The following SLC52A3 variants were observed in gnomAD, a reference collection of about 807,000 sequenced individuals.
SLC52A3 encodes the protein solute carrier family 52 member 3.
Under a neutral mutation model 29.5 loss-of-function variants are expected in SLC52A3, and 20 were observed. The observed-to-expected ratio is 0.68, with a 90% CI of 0.48 to 0.99. SLC52A3 has a LOEUF of 0.99. Among genes scored for constraint, SLC52A3 ranks in the 50% least tolerant of loss-of-function variants. The pLI, the probability that SLC52A3 is intolerant of heterozygous loss-of-function variation, is 0.00. For missense variants in SLC52A3, 548 were observed against 612.9 expected (o/e 0.89, Z 1.12); for synonymous variants, 301 against 271.0 (o/e 1.11, Z -1.09).
upstream of SLC52A3, among the ~76,000 whole-genome samples, chr20:768,902 C>A (rs1266943210): frequency 1.3e-5 from 2 of 152,212 alleles, no homozygotes; most frequent in African/African-American, 4.8e-5. Flanking sequence ...CACCAGCCCC[C>A]TCTGCTGTCC....
chr20:765,693 G>A lies in SLC52A3; in HGVS notation c.82C>T (p.Pro28Ser), dbSNP rs267606688. 6.2e-7 allele frequency: 1 copy of A among 1,613,664 alleles called. No homozygotes were observed. Among genetic ancestry groups the A allele is most frequent in the Non-Finnish European group, 8.5e-7 (1 of 1,179,904 alleles). ...TCGGGCAGCTCCATCACCAGCAGGGGCAGCTCTACCCAGAGCCCATTGATG... is the reference window on the plus strand; with the variant it reads ...TCGGGCAGCTCCATCACCAGCAGGGACAGCTCTACCCAGAGCCCATTGATG... The part of the protein sequence containing the change: ...VTINGLWVEL[P>S]LLVMELPEGW... The change falls in exon 2 of 5, where the codon CCC becomes TCC. Residue 28 changes from proline to serine, a missense_variant. Coordinates refer to ENST00000645534, the MANE Select transcript of SLC52A3 (RefSeq NM_033409.4). This position sits in a 1 kb window ranked among gnomAD's most constrained non-coding sequence, Gnocchi z 6.6.
upstream of SLC52A3, among the ~76,000 whole-genome samples, chr20:777,422 G>C (rs545140027): frequency 5.9e-5 from 9 of 152,230 alleles, no homozygotes; most frequent in Admixed American, 2.0e-4. Flanking sequence ...GAGGACCCAG[G>C]CTCCTCTTCT....
chr20:778,720 TTTC>T (rs949899020), upstream of SLC52A3, among the ~76,000 whole-genome samples: 7 of 151,052 alleles, frequency 4.6e-5, no homozygotes, highest in African/African-American at 9.7e-5. Flanking sequence ...GGATGGCCAC[TTTC>T]TTCTTCTTTT....
rs575834308 is a variant in SLC52A3 at position 761,215 on chromosome 20, G to A, written c.1221C>T (p.Ser407=). 7.7e-6 allele frequency: 12 copies of A among 1,554,874 alleles called. No individual in the cohort carries two copies. In the East Asian group the frequency reaches 1.7e-4, roughly 22 times the overall value. ...VLIVASWVLF[S]GCLSYVKVML... ...TCACCTTGACGTAACTGAGGCAGCC[G>A]CTGAAAAGCACCCACGAGGCCACCT... The change falls in exon 5 of 5, where the codon AGC becomes AGT. Residue 407 remains serine (S), a synonymous_variant. Coordinates refer to ENST00000645534, the MANE Select transcript of SLC52A3 (RefSeq NM_033409.4).
chr20:761,609 C>T (rs944518639), intron 4 of SLC52A3, 92 bp downstream of exon 4: 3 of 1,570,276 alleles, frequency 1.9e-6, no homozygotes, highest in African/African-American at 2.7e-5. Context: ...ACAGACCCCG[C>T]TCGCTGGAAA....
intron 4 of SLC52A3, 98 bp downstream of exon 4, chr20:761,603 A>G (rs1288605977): frequency 6.4e-7 from 1 of 1,557,174 alleles, no homozygotes; most frequent in Non-Finnish European, 8.7e-7. Context: ...GGTCCCACAG[A>G]CCCCGCTCGC....
At position 761,059 on chromosome 20, in the gene SLC52A3, GGACGA is replaced by G; in HGVS notation, c.1372_1376del (p.Ser458ArgfsTer47). 1 of 1,609,700 alleles carries G rather than the reference GGACGA, an allele frequency of 6.2e-7. No homozygotes were observed. Among genetic ancestry groups the G allele is most frequent in the Non-Finnish European group, 8.5e-7 (1 of 1,178,636 alleles). Reference sequence around the variant, plus strand: ...GACAGTGCAGATTGCAGAAGTCCGCGGACGAGAAGAGCCGCAGCACGTTGACCAGA... The same window carrying G: ...GACAGTGCAGATTGCAGAAGTCCGCGGAAGAGCCGCAGCACGTTGACCAGA... On this transcript the variant is annotated frameshift_variant, in exon 5 of 5. Coordinates refer to ENST00000645534, the MANE Select transcript of SLC52A3 (RefSeq NM_033409.4). LOFTEE classifies it high-confidence loss of function.
rs1986561762 is a variant in SLC52A3 at position 763,594 on chromosome 20, C to T, written c.977G>A (p.Cys326Tyr). 1 of 1,614,058 alleles carries T rather than the reference C, an allele frequency of 6.2e-7. No individual in the cohort carries two copies. Among genetic ancestry groups the T allele is most frequent in the Non-Finnish European group, 8.5e-7 (1 of 1,180,034 alleles). Residue 326 changes from cysteine to tyrosine, a missense_variant, in exon 3 of 5, where the codon TGC (cysteine) becomes TAC (tyrosine). By Grantham distance (194) the Cys-to-Tyr change is radical. This residue lies in a region of SLC52A3 where 375 missense variants were observed against 471.1 expected (regional missense o/e 0.80). Transcript: ENST00000645534. ...GTAGGCAACTGGCCCATAGGACAGG[C>T]AGGAGTAGGTCTGCACAGAGGGCAG... ...GMLPSVQTYS[C>Y]LSYGPVAYHL...
chr20:776,956 C>T (rs1228817900), upstream of SLC52A3, among the ~76,000 whole-genome samples: 1 of 151,506 alleles, frequency 6.6e-6, no homozygotes, highest in Non-Finnish European at 1.5e-5. Context: ...GGAAAGATGG[C>T]GGGGCGTGGT....
In SLC52A3 at chr20:761,236, C is replaced by T. The variant is rs772196630; in HGVS notation, c.1200G>A (p.Val400=). 84 of 1,548,072 alleles carry T rather than the reference C, an allele frequency of 5.4e-5. No homozygotes were observed. The highest frequency in any genetic ancestry group is 5.1e-4 in the South Asian group (43 of 84,130). The change falls in exon 5 of 5, where the codon GTG becomes GTA. Residue 400 remains valine, a splice_region_variant and synonymous_variant. Transcript: ENST00000645534. ...AGCCGCTGAAAAGCACCCACGAGGC[C>T]ACCTGCGGGGCCGGGAGGGAAGAGG... is the stretch of plus-strand genomic sequence containing the variant. ...QGHWGGEVLI[V]ASWVLFSGCL...
At chr20:777,237 A>G (rs1019749084), upstream of SLC52A3, among the ~76,000 whole-genome samples, 2 of 144,322 alleles carry the variant, frequency 1.4e-5, no homozygotes, top group Admixed American at 7.1e-5. Context: ...CTCTGTCTCA[A>G]TAAAACAAAA....
chr20:775,466 A>T (rs1490370732), intron 1 of SLC52A3, among the ~76,000 whole-genome samples: 1 of 151,878 alleles, frequency 6.6e-6, no homozygotes, highest in African/African-American at 2.4e-5. Context: ...TTTTGTATAG[A>T]TGGAGTTTCG....
intron 1 of SLC52A3, 62 bp downstream of exon 1, chr20:768,235 T>C (rs1315308099): frequency 6.6e-6 from 1 of 152,350 alleles, no homozygotes; most frequent in South Asian, 2.1e-4. Flanking sequence ...TGAGAATTAA[T>C]ACATGACTAT....
At chr20:761,291 G>C (rs1986466409) in intron 4 of SLC52A3, 53 bp from the exon 5 acceptor site, 4 of 1,489,822 alleles carry the variant, frequency 2.7e-6, no homozygotes, top group Non-Finnish European at 3.6e-6. Flanking sequence ...CGGGGCGAGC[G>C]CCGGAGCAAA....
intron 3 of SLC52A3, 100 bp from the exon 4 acceptor site, chr20:761,924 G>A: frequency 6.4e-7 from 1 of 1,560,594 alleles, no homozygotes; most frequent in Non-Finnish European, 8.8e-7. Context: ...TCCATAGTTA[G>A]TTTAGACCCA....
At position 765,128 on chromosome 20, in the gene SLC52A3, G is replaced by A; in HGVS notation, c.567+80C>T. On this transcript the variant is annotated intron_variant, in intron 2 of 4. Transcript: ENST00000645534. The surrounding 1 kb of genome is among the most constrained non-coding windows in gnomAD (Gnocchi z 6.6). ...ATAGGCCGACCAAAGAACCTAGAAGGATGGAGGTGAGCAGTTTTTCCCTCC... is the reference window on the plus strand; with the variant it reads ...ATAGGCCGACCAAAGAACCTAGAAGAATGGAGGTGAGCAGTTTTTCCCTCC... 6.7e-7 allele frequency: 1 copy of A among 1,495,990 alleles called. No individual in the cohort carries two copies. The allele number at this position is 1,495,990 out of a possible 1,614,324, so 92.7% of individuals were successfully genotyped here.
Position 763,890 on chromosome 20 carries a change from T to A in SLC52A3, c.681A>T (p.Leu227=), listed in dbSNP as rs1370704316. ...CGAGGCAGCAGGCCATCATGATGGA[T>A]AGGAGGAGGAAGAAGACCAGGGGTG... The part of the protein sequence containing the change: ...HFSPLVFFLL[L]SIMMACCLVA... Residue 227 remains leucine, a synonymous_variant, in exon 3 of 5, where the codon CTA becomes CTT. Transcript: ENST00000645534. The A allele has an allele frequency of 6.2e-7, 1 of 1,613,800 alleles. No individual in the cohort carries two copies. Among genetic ancestry groups the A allele is most frequent in the Admixed American group, 1.7e-5 (1 of 59,992 alleles).
At chr20:772,348 C>T (rs1440584737), upstream of SLC52A3, among the ~76,000 whole-genome samples, 2 of 152,218 alleles carry the variant, frequency 1.3e-5, no homozygotes, top group South Asian at 2.1e-4. Context: ...TGTGTCCCCA[C>T]GTGACCCATC....
At chr20:773,862 A>G (rs758913482) in intron 1 of SLC52A3, among the ~76,000 whole-genome samples, 51 of 152,180 alleles carry the variant, frequency 3.4e-4, no homozygotes, top group Admixed American at 2.6e-3. Flanking sequence ...GGGCCAGTGC[A>G]CCGTCATTGT....
Sources: gnomAD v4.1 joint callset for allele counts (sites outside exome capture counted in the v4.1 genomes callset) on GRCh38, gnomAD v4.1.1 for gene constraint, gnomAD v4.1.1 regional missense constraint, Gnocchi (gnomAD v3.1) non-coding constraint, MANE v1.5 for transcripts, NCBI Gene and HGNC (gene_info 2026-07-23, HGNC 2026-07-21) for gene names.